The following RGMA variants were observed in gnomAD, a reference collection of about 807,000 sequenced individuals.
RGMA encodes the protein repulsive guidance molecule BMP co-receptor a.
Under a neutral mutation model 23.2 loss-of-function variants are expected in RGMA, and 10 were observed. That is an observed-to-expected ratio of 0.43 (90% CI 0.27 to 0.73). RGMA has a LOEUF of 0.73. RGMA is among the 30% of genes least tolerant of loss of function. The probability of loss-of-function intolerance (pLI) is 0.20; values close to 1 mark genes in which losing one functional copy is unlikely to be tolerated. For synonymous variants in RGMA, 308 were observed against 279.3 expected, an observed-to-expected ratio of 1.10 and a Z score of -1.03; for missense variants, 547 against 630.5, an observed-to-expected ratio of 0.87 and a Z score of 1.42.
At chr15:93,081,286 T>G (rs925681445) in intron 1 of RGMA, among the ~76,000 whole-genome samples, 1 of 152,188 alleles carries the variant, frequency 6.6e-6, no homozygotes, top group East Asian at 1.9e-4. Context: ...CACACCTGAT[T>G]GTGGGGAGCC....
chr15:93,073,129 G>A (rs1029557604), intron 1 of RGMA, 98 bp from the exon 2 acceptor site: 19 of 1,286,330 alleles, frequency 1.5e-5, no homozygotes, highest in Non-Finnish European at 1.8e-5. Context: ...GGGAGGCTCC[G>A]TCCACCTCGG....
rs1024726041 is a variant in RGMA at position 93,040,206 on chromosome 15, C to G, written c.*4792G>C. The G allele has an allele frequency of 5.9e-5, 9 of 152,424 alleles. No individual in the cohort carries two copies. The highest frequency in any genetic ancestry group is 2.2e-4 in the African/African-American group (9 of 41,556). The allele number at this position is 152,424 out of a possible 1,614,324, so 9.4% of individuals were successfully genotyped here. A position where few individuals can be genotyped will look rare whatever the true frequency, so the allele number is the denominator to read the frequency against. ...CCTGGGTGACAGAGTGAGACCCTGT[C>G]TCTAAAAAAGAACAATAAAAAGACC... On this transcript the variant is annotated 3_prime_UTR_variant, in exon 4 of 4. Coordinates refer to ENST00000329082, the MANE Select transcript of RGMA (RefSeq NM_020211.3).
At chr15:93,065,651 TGCCGGGG>T (rs1895119133) in intron 2 of RGMA, 1 of 989,030 alleles carries the variant, frequency 1.0e-6, no homozygotes. Flanking sequence ...GGCTGCGGGC[TGCCGGGG>T]GCCGGGGCCT....
intron 1 of RGMA, among the ~76,000 whole-genome samples, chr15:93,075,705 C>A (rs1419936806): frequency 6.6e-6 from 1 of 152,190 alleles, no homozygotes; most frequent in South Asian, 2.1e-4. Context: ...GAAGAGGCCC[C>A]AGGCCATGGG....
At chr15:93,063,110 T>C (rs550549105) in intron 2 of RGMA, 1 of 152,286 alleles carries the variant, frequency 6.6e-6, no homozygotes, top group Admixed American at 6.5e-5. Flanking sequence ...ATGGCTTCAA[T>C]TAGGATGGAG....
Position 93,076,609 on chromosome 15 carries a change from T to C in RGMA, c.15-3578A>G, listed in dbSNP as rs141976242. 5.2e-4 allele frequency among the ~76,000 whole-genome samples: 79 copies of C among 152,346 alleles called. No individual in the cohort carries two copies. In the East Asian group the frequency reaches 0.015, roughly 28 times the overall value. ...CCTTTACCAAAAAAGGTGGTGTCTT[T>C]CAAAATAATGGCTAATATTTTGACG... On this transcript the variant is annotated intron_variant, in intron 1 of 3. Coordinates refer to ENST00000329082, the MANE Select transcript of RGMA (RefSeq NM_020211.3).
At chr15:93,070,907 TTAAAA>T (rs1462527142) in intron 2 of RGMA, among the ~76,000 whole-genome samples, 2 of 152,198 alleles carry the variant, frequency 1.3e-5, no homozygotes, top group African/African-American at 4.8e-5. Context: ...GCGGGATGCT[TTAAAA>T]TAAAAGTTTT....
chr15:93,051,948 G>A, intron 3 of RGMA, 45 bp downstream of exon 3: 1 of 1,533,272 alleles, frequency 6.5e-7, no homozygotes. Context: ...GCAGGGCAGA[G>A]ACAAAGGGCA....
chr15:93,087,958 G>C lies in RGMA; in HGVS notation c.14+961C>G, dbSNP rs556703722. 6.6e-5 allele frequency among the ~76,000 whole-genome samples: 10 copies of C among 152,086 alleles called. 1 individual carries two copies. Among genetic ancestry groups the C allele is most frequent in the Non-Finnish European group, 2.9e-5 (2 of 68,026 alleles). ...TCCCGCCTCTCCACCTTGTGCGGGA[G>C]ACTACTTTGAGAACACCCAACAACT... On this transcript the variant is annotated intron_variant, in intron 1 of 3. Transcript: ENST00000329082.
At chr15:93,076,730 A>G (rs1421587810) in intron 1 of RGMA, among the ~76,000 whole-genome samples, 8 of 152,204 alleles carry the variant, frequency 5.3e-5, no homozygotes, top group Admixed American at 5.2e-4. Context: ...TTTGCAGATG[A>G]AGAAACTGAG....
At chr15:93,083,196 G>A (rs1011571590) in intron 1 of RGMA, among the ~76,000 whole-genome samples, 5 of 152,206 alleles carry the variant, frequency 3.3e-5, no homozygotes, top group Non-Finnish European at 7.3e-5. Context: ...CTCCTTATCA[G>A]AGAAAAATAA....
At position 93,063,922 on chromosome 15, in the gene RGMA, C is replaced by T. The variant is rs181047967; in HGVS notation, c.130+8994G>A. Among the ~76,000 whole-genome samples the T allele has an allele frequency of 2.2e-4, 33 of 152,326 alleles. 1 individual carries two copies. In the East Asian group the frequency reaches 5.4e-3, roughly 25 times the overall value. On this transcript the variant is annotated intron_variant, in intron 2 of 3. Coordinates refer to ENST00000329082, the MANE Select transcript of RGMA (RefSeq NM_020211.3). Reference sequence around the variant, plus strand: ...GGCAAAAGTGGCCGAATGCCACTCACGGAGCTCAGGCAGGAGGTACTGCCC... The same window carrying T: ...GGCAAAAGTGGCCGAATGCCACTCATGGAGCTCAGGCAGGAGGTACTGCCC...
At position 93,066,076 on chromosome 15, in the gene RGMA, C is replaced by T. The variant is rs138190890; in HGVS notation, c.130+6840G>A. On this transcript the variant is annotated intron_variant, in intron 2 of 3. Transcript: ENST00000329082. ...GGGTGGTGGGGCAACTGAGGGAGGC[C>T]GGGGGATGAATCGGCGAAACTTACG... 36 of 1,518,750 alleles carry T rather than the reference C, an allele frequency of 2.4e-5. No homozygotes were observed. The African/African-American group carries it at 3.3e-4, about 14-fold the overall frequency. 94.1% of individuals were successfully genotyped at this position (1,518,750 alleles called of 1,614,324 possible).
intron 1 of RGMA, chr15:93,088,293 T>A: frequency 1.0e-6 from 1 of 984,902 alleles, no homozygotes; most frequent in Non-Finnish European, 1.2e-6. Context: ...TGGGTTGAGC[T>A]GCGGCGCGAG....
chr15:93,086,454 A>G (rs145965587), intron 1 of RGMA, among the ~76,000 whole-genome samples: 2 of 152,308 alleles, frequency 1.3e-5, no homozygotes, highest in Non-Finnish European at 2.9e-5. Context: ...TCAAGGCAGG[A>G]ACAAATTTTG....
intron 2 of RGMA, among the ~76,000 whole-genome samples, chr15:93,064,290 A>G (rs1189516870): frequency 6.6e-6 from 1 of 152,206 alleles, no homozygotes; most frequent in Non-Finnish European, 1.5e-5. Flanking sequence ...CGAGTTCCAC[A>G]AGATAGGTGA....
intron 1 of RGMA, among the ~76,000 whole-genome samples, chr15:93,086,867 T>C (rs540276706): frequency 1.3e-5 from 2 of 152,300 alleles, no homozygotes; most frequent in Admixed American, 6.5e-5. Flanking sequence ...TGGAGGAGGT[T>C]TGTAAAAAGA....
chr15:93,041,903 G>T lies in RGMA; in HGVS notation c.*3095C>A, dbSNP rs1234239529. ...TTGGCCGGGCACGGTGGTGGCTCAC[G>T]CCTGTAATCCCAACACTTTGGGAGG... On this transcript the variant is annotated 3_prime_UTR_variant, in exon 4 of 4. Transcript: ENST00000329082. 1 of 152,332 alleles carries T rather than the reference G, an allele frequency of 6.6e-6. No individual in the cohort carries two copies. Among genetic ancestry groups the T allele is most frequent in the South Asian group, 2.1e-4 (1 of 4,830 alleles). 9.4% of individuals were successfully genotyped at this position (152,332 alleles called of 1,614,324 possible). A position where few individuals can be genotyped will look rare whatever the true frequency, so the allele number is the denominator to read the frequency against.
At chr15:93,053,489 G>A (rs574906973) in intron 2 of RGMA, among the ~76,000 whole-genome samples, 1 of 152,346 alleles carries the variant, frequency 6.6e-6, no homozygotes, top group South Asian at 2.1e-4. Context: ...AGCGGGGAAA[G>A]GGAGCCTCAG....
Sources: gnomAD v4.1 joint callset for allele counts (sites outside exome capture counted in the v4.1 genomes callset) on GRCh38, gnomAD v4.1.1 for gene constraint, MANE v1.5 for transcripts, NCBI Gene and HGNC (gene_info 2026-07-23, HGNC 2026-07-21) for gene names.